The following SLC67A1 variants were observed in gnomAD, a reference collection of about 807,000 sequenced individuals.
SLC67A1 encodes solute carrier family 67 member 1, also known as solute carrier family 67 member A1.
chr11:2,922,002 G>C, the SLC67A1 span: 2 of 881,086 alleles, frequency 2.3e-6, no homozygotes, highest in Non-Finnish European at 3.8e-6. Context: ...GGCCACCACA[G>C]GCCAGTCTGG....
chr11:2,909,610 C>T, the SLC67A1 span: 5 of 1,531,650 alleles, frequency 3.3e-6, no homozygotes, highest in Non-Finnish European at 4.4e-6. Context: ...CCTGTCGGCA[C>T]CCGAGGAGCG....
the SLC67A1 span, chr11:2,919,440 C>T: frequency 1.5e-5 from 23 of 1,493,580 alleles, no homozygotes; most frequent in South Asian, 3.4e-5. Context: ...CTGGGGGGCA[C>T]GGCAGGGGTC....
the SLC67A1 span, among the ~76,000 whole-genome samples, chr11:2,900,191 C>T: frequency 2.0e-5 from 3 of 152,020 alleles, no homozygotes; most frequent in Non-Finnish European, 2.9e-5. Context: ...TTCTTGAAAA[C>T]GAGCTTGGCA....
the SLC67A1 span, among the ~76,000 whole-genome samples, chr11:2,924,777 G>A: frequency 6.6e-6 from 1 of 152,162 alleles, no homozygotes; most frequent in Non-Finnish European, 1.5e-5. The surrounding 1 kb of genome is among the most constrained non-coding windows in gnomAD (Gnocchi z 8.6). Context: ...AGAGAGAGCT[G>A]TGTTTGCTCC....
the SLC67A1 span, chr11:2,902,546 G>C: frequency 5.2e-5 from 51 of 984,604 alleles, no homozygotes; most frequent in South Asian, 1.4e-4. Context: ...GACCCTCAGG[G>C]GTCTCCCCGC....
the SLC67A1 span, chr11:2,924,878 C>A: frequency 5.4e-6 from 4 of 742,178 alleles, no homozygotes; most frequent in African/African-American, 1.8e-5. This position sits in a 1 kb window ranked among gnomAD's most constrained non-coding sequence, Gnocchi z 8.6. Context: ...TTTCACCAGA[C>A]TATGCAAGGT....
the SLC67A1 span, chr11:2,917,930 C>A: frequency 7.3e-7 from 1 of 1,376,548 alleles, no homozygotes; most frequent in Non-Finnish European, 1.0e-6. Context: ...TGCAGCCGGG[C>A]GAGGGGTGGG....
the SLC67A1 span, among the ~76,000 whole-genome samples, chr11:2,900,318 G>A: frequency 1.1e-4 from 16 of 152,310 alleles, no homozygotes; most frequent in Non-Finnish European, 5.9e-5. Flanking sequence ...ACAGAGGGCA[G>A]ATTGATTGGA....
the SLC67A1 span, chr11:2,917,901 C>T: frequency 9.8e-7 from 1 of 1,018,006 alleles, no homozygotes; most frequent in Non-Finnish European, 1.4e-6. Context: ...CGCAACAGGG[C>T]CCTCCGAATG....
chr11:2,903,723 G>GT, the SLC67A1 span: 5 of 576,590 alleles, frequency 8.7e-6, no homozygotes, highest in Non-Finnish European at 1.6e-5. Flanking sequence ...AAGCCATGGG[G>GT]AGCCACCCCA....
chr11:2,924,748 G>A, the SLC67A1 span, among the ~76,000 whole-genome samples: 3 of 152,214 alleles, frequency 2.0e-5, no homozygotes, highest in East Asian at 1.9e-4. This position sits in a 1 kb window ranked among gnomAD's most constrained non-coding sequence, Gnocchi z 8.6. Flanking sequence ...AGAGGTCCTC[G>A]GGGAACAGAC....
the SLC67A1 span, chr11:2,903,081 C>G: frequency 1.5e-6 from 1 of 654,596 alleles, no homozygotes. Context: ...CTCCCCTCCC[C>G]GGGAGGCTGT....
At chr11:2,914,281 G>A in the SLC67A1 span, among the ~76,000 whole-genome samples, 4 of 152,310 alleles carry the variant, frequency 2.6e-5, no homozygotes, top group Non-Finnish European at 5.9e-5. Flanking sequence ...GGAAGCCAGC[G>A]TGCCCCTGCG....
chr11:2,905,720 G>A, the SLC67A1 span, among the ~76,000 whole-genome samples: 1 of 152,230 alleles, frequency 6.6e-6, no homozygotes, highest in Non-Finnish European at 1.5e-5. Flanking sequence ...AAAGAGAGGA[G>A]GCTGCAAGGT....
chr11:2,901,195 G>T, the SLC67A1 span, among the ~76,000 whole-genome samples: 2 of 152,306 alleles, frequency 1.3e-5, no homozygotes, highest in Admixed American at 6.5e-5. Context: ...TCATTTTGGG[G>T]TATTGTTTTC....
chr11:2,920,720 G>C, the SLC67A1 span: 1 of 152,266 alleles, frequency 6.6e-6, no homozygotes, highest in African/African-American at 2.4e-5. Flanking sequence ...GTCCGGTCAG[G>C]GACAAGCTTG....
the SLC67A1 span, chr11:2,903,228 G>A: frequency 2.0e-6 from 3 of 1,516,188 alleles, no homozygotes; most frequent in Non-Finnish European, 2.6e-6. Context: ...GGCCAGGCGG[G>A]TGCTGCCTGG....
At chr11:2,922,271 C>A in the SLC67A1 span, 177 of 1,533,408 alleles carry the variant, frequency 1.2e-4, no homozygotes, top group African/African-American at 1.9e-3. Context: ...TGGGCGGTAC[C>A]ATCTGTGCTT....
At chr11:2,915,969 C>A in the SLC67A1 span, among the ~76,000 whole-genome samples, 1 of 152,242 alleles carries the variant, frequency 6.6e-6, no homozygotes, top group African/African-American at 2.4e-5. Flanking sequence ...CAGCCAGAGT[C>A]CCAGGCCTTG....
Sources: gnomAD v4.1 joint callset for allele counts (sites outside exome capture counted in the v4.1 genomes callset) on GRCh38, gnomAD v4.1.1 for gene constraint, Gnocchi (gnomAD v3.1) non-coding constraint, MANE v1.5 for transcripts, NCBI Gene and HGNC (gene_info 2026-07-23, HGNC 2026-07-21) for gene names.